GRB10: variants seen among roughly 807,000 people sequenced by gnomAD.
GRB10 encodes growth factor receptor-bound protein 10.
GRB10 carries 20 observed loss-of-function variants against 80.9 expected under a neutral mutation model. The ratio of observed to expected loss-of-function variants is 0.25; its 90% CI spans 0.17 to 0.36. The LOEUF (loss-of-function observed/expected upper bound fraction) is 0.36, where lower values mean the gene tolerates loss of function less well. GRB10 is among the 10% of genes least tolerant of loss of function. The probability of loss-of-function intolerance (pLI) is 1.00; values close to 1 mark genes in which losing one functional copy is unlikely to be tolerated. For missense variants in GRB10, 548 were observed against 747.7 expected (o/e 0.73, Z 3.12); for synonymous variants, 291 against 291.5 (o/e 1.00, Z 0.02).
chr7:50,669,097 G>A (rs927753136), intron 7 of GRB10, among the ~76,000 whole-genome samples: 2 of 152,132 alleles, frequency 1.3e-5, no homozygotes, highest in South Asian at 2.1e-4. Flanking sequence ...ACCTATTATT[G>A]AGCCAGTGGT....
intron 5 of GRB10, among the ~76,000 whole-genome samples, chr7:50,688,931 G>A (rs1354624504): frequency 6.6e-6 from 1 of 152,156 alleles, no homozygotes; most frequent in Non-Finnish European, 1.5e-5. Context: ...GGGGCATACT[G>A]TGAGTCTGTG....
intron 4 of GRB10, among the ~76,000 whole-genome samples, chr7:50,723,894 A>G (rs1355428930): frequency 6.6e-6 from 1 of 152,218 alleles, no homozygotes; most frequent in Non-Finnish European, 1.5e-5. Context: ...GGTCACACTG[A>G]GAGCTACAGA....
At chr7:50,784,973 G>C (rs763656346), upstream of GRB10, among the ~76,000 whole-genome samples, 1 of 152,222 alleles carries the variant, frequency 6.6e-6, no homozygotes, top group Admixed American at 6.5e-5. Flanking sequence ...TCAGCTAGGT[G>C]ACTTCTTTTC....
chr7:50,704,418 T>A (rs1408060207), intron 4 of GRB10, among the ~76,000 whole-genome samples: 1 of 152,174 alleles, frequency 6.6e-6, no homozygotes, highest in Non-Finnish European at 1.5e-5. Context: ...AAAACAGCAA[T>A]ATTATGATCC....
intron 5 of GRB10, among the ~76,000 whole-genome samples, chr7:50,688,510 G>T (rs554852618): frequency 6.6e-6 from 1 of 152,266 alleles, no homozygotes; most frequent in African/African-American, 2.4e-5. Flanking sequence ...TCCTGGCTAG[G>T]GGCAGCCCAT....
intron 7 of GRB10, among the ~76,000 whole-genome samples, chr7:50,642,335 T>A (rs1340201544): frequency 6.6e-6 from 1 of 151,870 alleles, no homozygotes; most frequent in Non-Finnish European, 1.5e-5. Flanking sequence ...CATGCACATA[T>A]GCATACAGAT....
At chr7:50,675,945 T>G (rs1176528691) in intron 5 of GRB10, among the ~76,000 whole-genome samples, 1 of 152,146 alleles carries the variant, frequency 6.6e-6, no homozygotes, top group African/African-American at 2.4e-5. Flanking sequence ...TACAATAATT[T>G]TGTTGTTGTT....
chr7:50,597,534 C>T (rs561023697), intron 17 of GRB10, among the ~76,000 whole-genome samples: 2 of 152,370 alleles, frequency 1.3e-5, no homozygotes, highest in South Asian at 2.1e-4. Flanking sequence ...AAATGTGGGG[C>T]GTCCCTTTCT....
At chr7:50,720,540 G>A (rs1451951738) in intron 4 of GRB10, among the ~76,000 whole-genome samples, 2 of 152,114 alleles carry the variant, frequency 1.3e-5, no homozygotes, top group Non-Finnish European at 2.9e-5. Context: ...ATCCCGGACG[G>A]GGAGCCCAGC....
chr7:50,729,613 C>T (rs773981521), intron 4 of GRB10, among the ~76,000 whole-genome samples: 6 of 152,072 alleles, frequency 3.9e-5, no homozygotes, highest in Non-Finnish European at 4.4e-5. Context: ...ACCCTGTGTT[C>T]GGCAAAGCTC....
At chr7:50,759,085 T>G (rs2075433160) in intron 2 of GRB10, among the ~76,000 whole-genome samples, 1 of 151,238 alleles carries the variant, frequency 6.6e-6, no homozygotes, top group Non-Finnish European at 1.5e-5. Flanking sequence ...CCCAGCTACT[T>G]AGGAGGCTTA....
chr7:50,614,719 C>T (rs1308427270), intron 12 of GRB10, 51 bp downstream of exon 12: 6 of 1,112,588 alleles, frequency 5.4e-6, no homozygotes, highest in Non-Finnish European at 5.5e-6. Context: ...AGAAGTCAGT[C>T]TCCTGTGGGC....
intron 4 of GRB10, chr7:50,711,131 A>G: frequency 3.6e-6 from 2 of 560,272 alleles, no homozygotes; most frequent in Non-Finnish European, 6.4e-6. Flanking sequence ...CTTAACAGGG[A>G]TCAACTTTAA....
chr7:50,659,266 T>C (rs1321949955), intron 7 of GRB10, among the ~76,000 whole-genome samples: 1 of 152,068 alleles, frequency 6.6e-6, no homozygotes, highest in Admixed American at 6.5e-5. Flanking sequence ...CTGCATGGCT[T>C]TTTCCCCCTC....
At chr7:50,756,824 A>G (rs1432781431) in intron 2 of GRB10, among the ~76,000 whole-genome samples, 1 of 152,180 alleles carries the variant, frequency 6.6e-6, no homozygotes, top group Non-Finnish European at 1.5e-5. Flanking sequence ...ATTTTAATAC[A>G]CTGCATTGGA....
At chr7:50,730,181 A>T (rs2069421947) in intron 4 of GRB10, among the ~76,000 whole-genome samples, 1 of 152,102 alleles carries the variant, frequency 6.6e-6, no homozygotes, top group African/African-American at 2.4e-5. Flanking sequence ...GTCATCCCCA[A>T]CCTTGCCAGA....
chr7:50,707,160 C>T (rs1409175398), intron 4 of GRB10, among the ~76,000 whole-genome samples: 1 of 152,094 alleles, frequency 6.6e-6, no homozygotes, highest in Non-Finnish European at 1.5e-5. Flanking sequence ...ACTGAAAAAC[C>T]TTCATTTGTG....
At chr7:50,721,785 C>A (rs1309715922) in intron 4 of GRB10, among the ~76,000 whole-genome samples, 1 of 152,088 alleles carries the variant, frequency 6.6e-6, no homozygotes, top group Non-Finnish European at 1.5e-5. Flanking sequence ...GGAGGACAGA[C>A]GACAGCATAA....
intron 17 of GRB10, among the ~76,000 whole-genome samples, chr7:50,598,657 C>T (rs2047058044): frequency 6.6e-6 from 1 of 152,148 alleles, no homozygotes; most frequent in South Asian, 2.1e-4. Flanking sequence ...AAGCAACTTC[C>T]CCAAGGTCAC....
Sources: allele counts gnomAD v4.1 joint callset (sites outside exome capture counted in the v4.1 genomes callset), GRCh38; gene constraint gnomAD v4.1.1; transcripts MANE v1.5; gene names NCBI Gene and HGNC (gene_info 2026-07-23, HGNC 2026-07-21).